The following HPSE2 variants were observed in gnomAD, a reference collection of about 807,000 sequenced individuals.
HPSE2 encodes inactive heparanase-2.
Under a neutral mutation model 60.5 loss-of-function variants are expected in HPSE2, and 38 were observed. The observed-to-expected ratio is 0.63, with a 90% CI of 0.48 to 0.82. HPSE2 has a LOEUF of 0.82. HPSE2 is among the 40% of genes least tolerant of loss of function. HPSE2 has a pLI of 0.00. For missense variants in HPSE2, 713 were observed against 740.4 expected (o/e 0.96, Z 0.43); for synonymous variants, 295 against 293.2 (o/e 1.01, Z -0.06).
chr10:99,174,898 T>C (rs145533516), intron 2 of HPSE2, among the ~76,000 whole-genome samples: 2 of 152,298 alleles, frequency 1.3e-5, no homozygotes, highest in Non-Finnish European at 2.9e-5. Flanking sequence ...ATTTCTGCAT[T>C]TCCAACCGAG....
intron 3 of HPSE2, among the ~76,000 whole-genome samples, chr10:99,067,064 T>G (rs770494940): frequency 6.6e-6 from 1 of 152,108 alleles, no homozygotes; most frequent in Admixed American, 6.5e-5. Flanking sequence ...CAAAATCCAA[T>G]GGGGCAGTCA....
intron 9 of HPSE2, among the ~76,000 whole-genome samples, chr10:98,553,621 C>T (rs72827415): frequency 6.6e-6 from 1 of 152,182 alleles, no homozygotes; most frequent in South Asian, 2.1e-4. Flanking sequence ...TTCTCTCCAC[C>T]ATTTCTGACT....
chr10:98,850,424 G>C (rs1343478213), intron 3 of HPSE2, among the ~76,000 whole-genome samples: 1 of 152,102 alleles, frequency 6.6e-6, no homozygotes. Flanking sequence ...CTGAGATCCA[G>C]GTATTATAGT....
In HPSE2 at chr10:98,781,284, C is replaced by CTTTTTTTTTTTTTTTTTTTTTTTTTTTT. The variant is rs1488403343; in HGVS notation, c.611-37229_611-37228insAAAAAAAAAAAAAAAAAAAAAAAAAAAA. Among the ~76,000 whole-genome samples, 2 of 87,154 alleles carry CTTTTTTTTTTTTTTTTTTTTTTTTTTTT rather than the reference C, an allele frequency of 2.3e-5. 1 individual carries two copies. The highest frequency in any genetic ancestry group is 4.4e-5 in the Non-Finnish European group (2 of 45,108). The allele number at this position is 87,154 out of a possible 152,430, so 57.2% of individuals were successfully genotyped here. A position where few individuals can be genotyped will look rare whatever the true frequency, so the allele number is the denominator to read the frequency against. ...TGAAAGAAAAACACCCATATATCCA[C>CTTTTTTTTTTTTTTTTTTTTTTTTTTTT]TTCTTTTTTTTTTTTTTTTTTTATT... On this transcript the variant is annotated intron_variant, in intron 3 of 11. Coordinates refer to ENST00000370552, the MANE Select transcript of HPSE2 (RefSeq NM_021828.5).
intron 6 of HPSE2, among the ~76,000 whole-genome samples, chr10:98,684,321 T>C (rs1179036885): frequency 6.6e-6 from 1 of 152,146 alleles, no homozygotes; most frequent in Non-Finnish European, 1.5e-5. Context: ...AAACTGATGG[T>C]TACCTGAGGT....
chr10:98,877,175 C>T (rs1387436085), intron 3 of HPSE2, among the ~76,000 whole-genome samples: 1 of 151,804 alleles, frequency 6.6e-6, no homozygotes, highest in Non-Finnish European at 1.5e-5. Flanking sequence ...GACTGAATTT[C>T]CTTTTTACTC....
chr10:99,202,477 T>C (rs929660888), intron 2 of HPSE2, among the ~76,000 whole-genome samples: 1 of 152,148 alleles, frequency 6.6e-6, no homozygotes, highest in Non-Finnish European at 1.5e-5. Context: ...AATTCCCAAA[T>C]CCTAGTTGTA....
rs200946689 is a variant in HPSE2 at position 98,842,541 on chromosome 10, T to TA, written c.611-98486dup. Reference sequence around the variant, plus strand: ...CTTCTTTTTTGTTTTTAAGTGTCTTTAAAAAAAAAAAAAAAGCAGTTTTGG... The same window carrying TA: ...CTTCTTTTTTGTTTTTAAGTGTCTTTAAAAAAAAAAAAAAAAGCAGTTTTGG... On this transcript the variant is annotated intron_variant, in intron 3 of 11. Coordinates refer to ENST00000370552, the MANE Select transcript of HPSE2 (RefSeq NM_021828.5). Among the ~76,000 whole-genome samples, 900 of 135,308 alleles carry TA rather than the reference T, an allele frequency of 6.7e-3. 6 individuals carry two copies. Among genetic ancestry groups the TA allele is most frequent in the Middle Eastern group, 0.015 (4 of 274 alleles). The allele number at this position is 135,308 out of a possible 152,430, so 88.8% of individuals were successfully genotyped here.
chr10:98,826,939 G>C (rs2134636609), intron 3 of HPSE2, among the ~76,000 whole-genome samples: 1 of 152,188 alleles, frequency 6.6e-6, no homozygotes, highest in African/African-American at 2.4e-5. Flanking sequence ...CTTGAGACCA[G>C]GAGTTTGGGA....
chr10:98,909,366 C>T (rs1397342975), intron 3 of HPSE2, among the ~76,000 whole-genome samples: 1 of 149,786 alleles, frequency 6.7e-6, no homozygotes, highest in African/African-American at 2.5e-5. Flanking sequence ...TACAGTGGCT[C>T]ATGCCTCTAA....
intron 3 of HPSE2, among the ~76,000 whole-genome samples, chr10:99,040,571 T>C (rs1564758311): frequency 6.6e-6 from 1 of 152,174 alleles, no homozygotes; most frequent in Non-Finnish European, 1.5e-5. Context: ...TTTGTAAAAC[T>C]GAAGTGTACT....
intron 9 of HPSE2, among the ~76,000 whole-genome samples, chr10:98,565,866 T>TCAC (rs58360066): frequency 6.6e-6 from 1 of 151,042 alleles, no homozygotes; most frequent in Non-Finnish European, 1.5e-5. Context: ...ATCATCATCA[T>TCAC]TATTGTTGTT....
intron 3 of HPSE2, among the ~76,000 whole-genome samples, chr10:98,817,917 T>C (rs939413352): frequency 2.0e-5 from 3 of 152,202 alleles, no homozygotes; most frequent in African/African-American, 4.8e-5. Flanking sequence ...CTCTAACTTT[T>C]ATCCATTAAT....
chr10:99,096,982 AC>A (rs1843740123), intron 3 of HPSE2, among the ~76,000 whole-genome samples: 1 of 152,206 alleles, frequency 6.6e-6, no homozygotes, highest in African/African-American at 2.4e-5. Flanking sequence ...CTAGGTCCTG[AC>A]AAAACTGCAT....
chr10:98,763,579 T>TA, intron 3 of HPSE2, among the ~76,000 whole-genome samples: 1 of 152,186 alleles, frequency 6.6e-6, no homozygotes, highest in East Asian at 1.9e-4. Flanking sequence ...TATCTGGATT[T>TA]AAAAGACTCT....
At chr10:98,870,200 T>C (rs1952695566) in intron 3 of HPSE2, among the ~76,000 whole-genome samples, 1 of 152,198 alleles carries the variant, frequency 6.6e-6, no homozygotes, top group Non-Finnish European at 1.5e-5. Context: ...GAATCCAGTG[T>C]TTTCCTCTTT....
chr10:99,042,327 G>T (rs1564759652), intron 3 of HPSE2, among the ~76,000 whole-genome samples: 1 of 151,888 alleles, frequency 6.6e-6, no homozygotes, highest in Non-Finnish European at 1.5e-5. Flanking sequence ...CCACAGCACA[G>T]CTGCCCACCC....
chr10:98,551,411 C>T (rs995598259), intron 9 of HPSE2, among the ~76,000 whole-genome samples: 1 of 152,198 alleles, frequency 6.6e-6, no homozygotes, highest in Non-Finnish European at 1.5e-5. Context: ...CTTCTGACAA[C>T]AGTGCTCCCA....
At chr10:98,846,486 A>C (rs1256836690) in intron 3 of HPSE2, among the ~76,000 whole-genome samples, 1 of 152,170 alleles carries the variant, frequency 6.6e-6, no homozygotes, top group Non-Finnish European at 1.5e-5. Flanking sequence ...TCTCCTCTGC[A>C]CCCATTTTTC....
Sources: allele counts gnomAD v4.1 joint callset (sites outside exome capture counted in the v4.1 genomes callset), GRCh38; gene constraint gnomAD v4.1.1; transcripts MANE v1.5; gene names NCBI Gene and HGNC (gene_info 2026-07-23, HGNC 2026-07-21).